CACNA2D3: variants seen among roughly 807,000 people sequenced by gnomAD.
The protein encoded by CACNA2D3 is voltage-dependent calcium channel subunit alpha-2/delta-3.
In CACNA2D3, 60 loss-of-function variants were observed where a neutral mutation model predicts 160.6. The observed-to-expected ratio is 0.37, with a 90% CI of 0.30 to 0.46. The LOEUF (loss-of-function observed/expected upper bound fraction) is 0.46, where lower values mean the gene tolerates loss of function less well. Among genes scored for constraint, CACNA2D3 ranks in the 20% least tolerant of loss-of-function variants. CACNA2D3 has a pLI of 1.00. For synonymous variants in CACNA2D3, 558 were observed against 492.9 expected (o/e 1.13, Z -1.75); for missense variants, 1,205 against 1,365.0 (o/e 0.88, Z 1.85).
intron 2 of CACNA2D3, among the ~76,000 whole-genome samples, chr3:54,295,567 A>G (rs114703869): frequency 2.6e-5 from 4 of 152,332 alleles, no homozygotes; most frequent in Non-Finnish European, 4.4e-5. Context: ...CTTCCGGGTC[A>G]TAGGTAGATG....
At chr3:54,536,870 G>A (rs1034036963) in intron 5 of CACNA2D3, among the ~76,000 whole-genome samples, 2 of 152,178 alleles carry the variant, frequency 1.3e-5, no homozygotes, top group Non-Finnish European at 2.9e-5. Context: ...GGTGCCCAGC[G>A]CTGTGTCACC....
chr3:54,829,027 C>A (rs1312795501), intron 14 of CACNA2D3, among the ~76,000 whole-genome samples: 1 of 152,192 alleles, frequency 6.6e-6, no homozygotes, highest in Non-Finnish European at 1.5e-5. Context: ...AAACTGCTCA[C>A]AATCAGCAAA....
At position 54,227,480 on chromosome 3, in the gene CACNA2D3, C is replaced by T. The variant is rs188810043; in HGVS notation, c.205-92962C>T. 4.4e-4 allele frequency among the ~76,000 whole-genome samples: 63 copies of T among 143,080 alleles called. 1 individual carries two copies. Among genetic ancestry groups the T allele is most frequent in the African/African-American group, 1.6e-3 (61 of 38,366 alleles). The allele number at this position is 143,080 out of a possible 152,430, so 93.9% of individuals were successfully genotyped here. ...TAAAATTTGGTTTTTTGGTATTCCT[C>T]GGGAGAGTGAAGAGTGGAGAAATTT... On this transcript the variant is annotated intron_variant, in intron 2 of 37. Transcript: ENST00000474759.
At chr3:54,953,914 A>G (rs1251990177) in intron 27 of CACNA2D3, among the ~76,000 whole-genome samples, 2 of 152,156 alleles carry the variant, frequency 1.3e-5, no homozygotes, top group South Asian at 2.1e-4. Context: ...CGTTTTGCTA[A>G]GTGCTCCATT....
At chr3:54,952,982 T>G (rs1045016147) in intron 27 of CACNA2D3, among the ~76,000 whole-genome samples, 2 of 152,182 alleles carry the variant, frequency 1.3e-5, no homozygotes, top group Non-Finnish European at 2.9e-5. Context: ...ACATGGAGTC[T>G]GCTTAGTGGA....
intron 2 of CACNA2D3, among the ~76,000 whole-genome samples, chr3:54,285,402 A>T (rs377368718): frequency 6.6e-6 from 1 of 152,218 alleles, no homozygotes; most frequent in East Asian, 1.9e-4. Context: ...GCCATTCCCC[A>T]GGCTTGATTA....
At chr3:54,804,988 G>A (rs1467514136) in intron 13 of CACNA2D3, among the ~76,000 whole-genome samples, 1 of 152,194 alleles carries the variant, frequency 6.6e-6, no homozygotes, top group Admixed American at 6.5e-5. Context: ...AAATAAAGAT[G>A]TTCTTTGAAA....
intron 3 of CACNA2D3, among the ~76,000 whole-genome samples, chr3:54,374,806 A>G (rs1002943219): frequency 6.6e-6 from 1 of 152,106 alleles, no homozygotes. Context: ...CTCTTCCTAA[A>G]TAACTTTCAG....
intron 4 of CACNA2D3, among the ~76,000 whole-genome samples, chr3:54,463,116 T>G (rs1700539349): frequency 6.6e-6 from 1 of 152,166 alleles, no homozygotes; most frequent in African/African-American, 2.4e-5. Context: ...CACTCTCTTC[T>G]GGCTTGTAGA....
At chr3:54,639,843 GA>G (rs1699471868) in intron 10 of CACNA2D3, 2 of 152,754 alleles carry the variant, frequency 1.3e-5, no homozygotes, top group Non-Finnish European at 1.5e-5. Context: ...GGCTGAGTCC[GA>G]AAAGAGAGTC....
intron 29 of CACNA2D3, among the ~76,000 whole-genome samples, chr3:54,979,828 T>C (rs183980750): frequency 6.6e-6 from 1 of 152,288 alleles, no homozygotes; most frequent in Admixed American, 6.5e-5. Context: ...AAACCATCTC[T>C]TGAAGAAGAT....
intron 2 of CACNA2D3, among the ~76,000 whole-genome samples, chr3:54,206,544 C>G (rs1010983816): frequency 1.3e-5 from 2 of 152,158 alleles, no homozygotes; most frequent in Non-Finnish European, 2.9e-5. Flanking sequence ...CTTAAAAACT[C>G]AAACAGTGAA....
At chr3:54,176,209 C>G (rs1700674482) in intron 2 of CACNA2D3, among the ~76,000 whole-genome samples, 2 of 152,158 alleles carry the variant, frequency 1.3e-5, no homozygotes, top group African/African-American at 4.8e-5. Flanking sequence ...TTGATTTGTC[C>G]TATGTGCATA....
At chr3:54,908,212 A>T (rs1575544800) in intron 27 of CACNA2D3, among the ~76,000 whole-genome samples, 1 of 152,264 alleles carries the variant, frequency 6.6e-6, no homozygotes, top group East Asian at 1.9e-4. Context: ...ATCCTTTCTA[A>T]TACTGTCTGT....
chr3:55,022,547 TTTCC>T (rs1301093727), intron 35 of CACNA2D3, among the ~76,000 whole-genome samples: 3 of 142,236 alleles, frequency 2.1e-5, no homozygotes, highest in African/African-American at 8.4e-5. Flanking sequence ...TCTTTCTTTC[TTTCC>T]TTCCTTCTTT....
chr3:55,023,207 C>T lies in CACNA2D3; in HGVS notation c.2987+4890C>T, dbSNP rs80179185. Among the ~76,000 whole-genome samples, 62 of 152,200 alleles carry T rather than the reference C, an allele frequency of 4.1e-4. 1 individual carries two copies. In the East Asian group the frequency reaches 0.012, roughly 29 times the overall value. On this transcript the variant is annotated intron_variant, in intron 35 of 37. Transcript: ENST00000474759. ...CCTTGTACCTTTGTAGGTAGTCTGA[C>T]CTCTCCCCCGTTTCGGATGGCTTTT...
chr3:54,170,221 G>T (rs1251794734), intron 2 of CACNA2D3, among the ~76,000 whole-genome samples: 1 of 150,456 alleles, frequency 6.6e-6, no homozygotes, highest in Non-Finnish European at 1.5e-5. Context: ...GAGGGGGTAA[G>T]GATGGCCTGG....
intron 17 of CACNA2D3, among the ~76,000 whole-genome samples, chr3:54,866,756 G>A (rs965556065): frequency 1.3e-5 from 2 of 152,170 alleles, no homozygotes; most frequent in Non-Finnish European, 2.9e-5. Flanking sequence ...AAGGGGTGCT[G>A]GTATCCAGAC....
intron 27 of CACNA2D3, among the ~76,000 whole-genome samples, chr3:54,928,497 G>C (rs930025912): frequency 4.6e-5 from 7 of 152,158 alleles, no homozygotes; most frequent in African/African-American, 1.7e-4. Flanking sequence ...TTGGCCTGCT[G>C]GAGGCTGACA....
Sources: allele counts gnomAD v4.1 joint callset (sites outside exome capture counted in the v4.1 genomes callset), GRCh38; gene constraint gnomAD v4.1.1; transcripts MANE v1.5; gene names NCBI Gene and HGNC (gene_info 2026-07-23, HGNC 2026-07-21).